Variants in DNPEP observed in about 807,000 individuals in gnomAD.
DNPEP encodes the protein aspartyl aminopeptidase.
In DNPEP, 46 loss-of-function variants were observed where a neutral mutation model predicts 59.1. The ratio of observed to expected loss-of-function variants is 0.78; its 90% CI spans 0.61 to 0.99. DNPEP has a LOEUF of 0.99. Among genes scored for constraint, DNPEP ranks in the 50% least tolerant of loss-of-function variants. The pLI, the probability that DNPEP is intolerant of heterozygous loss-of-function variation, is 0.00. For synonymous variants in DNPEP, 229 were observed against 242.2 expected (o/e 0.95, Z 0.50); for missense variants, 617 against 649.9 (o/e 0.95, Z 0.55).
At chr2:219,387,311 A>C in intron 1 of DNPEP, 148 bp from the exon 2 acceptor site, 1 of 1,445,832 alleles carries the variant, frequency 6.9e-7, no homozygotes, top group South Asian at 1.5e-5. Context: ...GAGAGACCCA[A>C]ACCCAGGGCT....
intron 1 of DNPEP, 171 bp from the exon 2 acceptor site, chr2:219,387,334 AAAG>A: frequency 6.9e-7 from 1 of 1,440,786 alleles, no homozygotes; most frequent in Non-Finnish European, 9.1e-7. Context: ...AACTCCGTTG[AAAG>A]CTTCAGCCCG....
In DNPEP at chr2:219,387,803, C is replaced by A. The variant is rs766048535; in HGVS notation, c.-9G>T. The stretch of plus-strand genomic sequence containing the variant: ...GGGCTGTGTCCGCTCATCTGGCCTC[C>A]GGGCTCGGCCCGCCCCCACCGCGCC... On this transcript the variant is annotated 5_prime_UTR_variant, in exon 1 of 15. Transcript: ENST00000273075. 1 of 1,583,398 alleles carries A rather than the reference C, an allele frequency of 6.3e-7. No individual in the cohort carries two copies. The highest frequency in any genetic ancestry group is 1.8e-5 in the Admixed American group (1 of 56,366).
upstream of DNPEP, chr2:219,388,729 C>T: frequency 2.0e-6 from 2 of 985,534 alleles, no homozygotes; most frequent in Non-Finnish European, 2.4e-6. Context: ...GTACAAAGTG[C>T]TGTCTCTCGC....
upstream of DNPEP, among the ~76,000 whole-genome samples, chr2:219,391,876 A>AT (rs1954021589): frequency 6.6e-6 from 1 of 152,004 alleles, no homozygotes; most frequent in African/African-American, 2.4e-5. Context: ...AGTTCATAAA[A>AT]AAAAAAAAAA....
intron 1 of DNPEP, among the ~76,000 whole-genome samples, chr2:219,398,839 C>T (rs531859183): frequency 9.2e-5 from 14 of 152,336 alleles, no homozygotes; most frequent in African/African-American, 3.4e-4. Context: ...ACCTCTGAGC[C>T]CCCAAGGAAT....
intron 1 of DNPEP, among the ~76,000 whole-genome samples, chr2:219,395,439 G>A (rs115144300): frequency 6.6e-4 from 101 of 152,294 alleles, no homozygotes; most frequent in Admixed American, 1.4e-3. Flanking sequence ...TTGTTCCACA[G>A]GATGGGAAGG....
chr2:219,388,731 GTC>G, upstream of DNPEP: 1 of 985,530 alleles, frequency 1.0e-6, no homozygotes, highest in Middle Eastern at 5.2e-4. Context: ...ACAAAGTGCT[GTC>G]TCTCGCCACA....
At chr2:219,387,301 G>T (rs528766048) in intron 1 of DNPEP, 138 bp from the exon 2 acceptor site, 2 of 1,448,900 alleles carry the variant, frequency 1.4e-6, no homozygotes, top group Non-Finnish European at 1.8e-6. Flanking sequence ...CGTCCCCACC[G>T]AGAGACCCAA....
chr2:219,386,671 G>A lies in DNPEP; in HGVS notation c.327C>T (p.Cys109=). 6.2e-7 allele frequency: 1 copy of A among 1,611,226 alleles called. No homozygotes were observed. The highest frequency in any genetic ancestry group is 8.5e-7 in the Non-Finnish European group (1 of 1,179,138). ...SLIGAHTDSP[C]LRVKRRSRRS... Reference sequence around the variant, plus strand: ...CACCGTCCGAGTTCCTTACCCGGAGGCAGGGGCTGTCCGTGTGGGCCCCGA... The same window carrying A: ...CACCGTCCGAGTTCCTTACCCGGAGACAGGGGCTGTCCGTGTGGGCCCCGA... Residue 109 remains cysteine, a synonymous_variant, in exon 4 of 15, where the codon TGC becomes TGT. Transcript: ENST00000273075.
chr2:219,392,395 A>G (rs75064969), upstream of DNPEP, among the ~76,000 whole-genome samples: 1,380 of 149,702 alleles, frequency 9.2e-3, 19 homozygotes, highest in African/African-American at 0.032. Flanking sequence ...TGCCCAAGCT[A>G]GAGGGCAGTG....
intron 10 of DNPEP, 124 bp from the exon 11 acceptor site, chr2:219,382,263 ACAC>A (rs1953635790): frequency 9.0e-7 from 1 of 1,107,818 alleles, no homozygotes; most frequent in Non-Finnish European, 1.3e-6. Flanking sequence ...GTTCTTAGCA[ACAC>A]CCCTAACCTG....
intron 8 of DNPEP, chr2:219,384,657 C>A: frequency 2.3e-6 from 1 of 430,010 alleles, no homozygotes. Flanking sequence ...CAACTTCCGC[C>A]TCCCGGGTTC....
At chr2:219,375,661 A>T (rs1953343715) in intron 13 of DNPEP, among the ~76,000 whole-genome samples, 2 of 152,164 alleles carry the variant, frequency 1.3e-5, no homozygotes, top group Non-Finnish European at 2.9e-5. Context: ...TCCTGGGTTC[A>T]AGCGATTCTC....
chr2:219,379,791 C>T (rs1953514824), intron 13 of DNPEP, among the ~76,000 whole-genome samples: 1 of 152,056 alleles, frequency 6.6e-6, no homozygotes, highest in East Asian at 1.9e-4. Context: ...CATGGTGGTG[C>T]GTGCCTGTAA....
chr2:219,397,951 C>T (rs1421119125), intron 1 of DNPEP, among the ~76,000 whole-genome samples: 2 of 151,886 alleles, frequency 1.3e-5, no homozygotes, highest in African/African-American at 4.8e-5. Context: ...CCCGCACTGG[C>T]GGCAAACACC....
rs1411162751 is a variant in DNPEP, at chr2:219,374,113, C to T, written c.*179G>A. The T allele has an allele frequency of 4.9e-6, 3 of 611,422 alleles. No individual in the cohort carries two copies. In the African/African-American group the frequency reaches 5.5e-5, roughly 11 times the overall value. 37.9% of individuals were successfully genotyped at this position (611,422 alleles called of 1,614,324 possible). A position where few individuals can be genotyped will look rare whatever the true frequency, so the allele number is the denominator to read the frequency against. ...AGGAGTGTGGCCTCCTCCACCTGCT[C>T]CCCAACTTTTCTGGTTCCAAAGGTT... On this transcript the variant is annotated 3_prime_UTR_variant, in exon 15 of 15. Transcript: ENST00000273075.
chr2:219,397,932 A>G (rs1450140398), intron 1 of DNPEP, among the ~76,000 whole-genome samples: 1 of 151,868 alleles, frequency 6.6e-6, no homozygotes, highest in Non-Finnish European at 1.5e-5. Context: ...ATGGAGTTTC[A>G]GTATGTTGCC....
intron 1 of DNPEP, chr2:219,399,472 G>A: frequency 2.2e-6 from 1 of 463,804 alleles, no homozygotes. Context: ...TTTGGGCTGA[G>A]GCCCAGGGAT....
At chr2:219,376,208 C>T (rs535337360) in intron 13 of DNPEP, among the ~76,000 whole-genome samples, 51 of 152,150 alleles carry the variant, frequency 3.4e-4, no homozygotes, top group Admixed American at 9.8e-4. Context: ...GAAAAGCAGG[C>T]CAGGTGTGCT....
Sources: allele counts gnomAD v4.1 joint callset (sites outside exome capture counted in the v4.1 genomes callset), GRCh38; gene constraint gnomAD v4.1.1; transcripts MANE v1.5; gene names NCBI Gene and HGNC (gene_info 2026-07-23, HGNC 2026-07-21).